Variants in VPS33A observed in about 807,000 individuals in gnomAD.
VPS33A encodes the protein vacuolar protein sorting-associated protein 33A.
In VPS33A, 32 loss-of-function variants were observed where a neutral mutation model predicts 71.8. That is an observed-to-expected ratio of 0.45 (90% CI 0.34 to 0.60). The LOEUF is 0.60. VPS33A is among the 20% of genes least tolerant of loss of function. The pLI is 0.02. For missense variants in VPS33A, 625 were observed against 748.5 expected, an observed-to-expected ratio of 0.84 and a Z score of 1.92; for synonymous variants, 311 against 292.7, an observed-to-expected ratio of 1.06 and a Z score of -0.64.
At chr12:122,246,345 G>C (rs1238480690) in intron 6 of VPS33A, among the ~76,000 whole-genome samples, 10 of 151,592 alleles carry the variant, frequency 6.6e-5, no homozygotes, top group African/African-American at 2.4e-4. Flanking sequence ...TCTCGCCCAG[G>C]CTGGAGTGCA....
intron 4 of VPS33A, among the ~76,000 whole-genome samples, chr12:122,259,536 C>T (rs544684416): frequency 6.6e-6 from 1 of 152,198 alleles, no homozygotes; most frequent in African/African-American, 2.4e-5. Flanking sequence ...CTAGGTATAT[C>T]TAAGAGAAAT....
In VPS33A at chr12:122,239,867, T is replaced by G. The variant is rs754001147; in HGVS notation, c.1164+11A>C. 1.2e-6 allele frequency: 2 copies of G among 1,603,404 alleles called. No individual in the cohort carries two copies. Among genetic ancestry groups the G allele is most frequent in the East Asian group, 2.3e-5 (1 of 44,200 alleles). ...CAATTACTTGTTAAAGAGGTTTTTTTGTCCACATACCTTATCAGTGTCTAT... is the reference window on the plus strand; with the variant it reads ...CAATTACTTGTTAAAGAGGTTTTTTGGTCCACATACCTTATCAGTGTCTAT... On this transcript the variant is annotated intron_variant, in intron 9 of 12. Transcript: ENST00000267199.
At chr12:122,263,778 C>T in intron 2 of VPS33A, 79 bp from the exon 3 acceptor site, 1 of 1,448,596 alleles carries the variant, frequency 6.9e-7, no homozygotes, top group South Asian at 1.4e-5. Flanking sequence ...ATCATAAATA[C>T]CCCCAATCAA....
At chr12:122,237,534 C>CTTT (rs59918502) in intron 10 of VPS33A, among the ~76,000 whole-genome samples, 34 of 111,754 alleles carry the variant, frequency 3.0e-4, no homozygotes, top group Admixed American at 4.7e-4. Flanking sequence ...TAAAGTTTTT[C>CTTT]TTTTTTTTTT....
chr12:122,253,919 G>A (rs1431324945), intron 4 of VPS33A, among the ~76,000 whole-genome samples: 3 of 151,940 alleles, frequency 2.0e-5, no homozygotes, highest in Admixed American at 6.6e-5. Context: ...GGCTGGTCTC[G>A]AACCCCTAAC....
chr12:122,244,985 T>G (rs1012375076), intron 6 of VPS33A, among the ~76,000 whole-genome samples: 1 of 152,212 alleles, frequency 6.6e-6, no homozygotes, highest in African/African-American at 2.4e-5. Flanking sequence ...ATAAACCACA[T>G]GCAGCAATGT....
At chr12:122,236,267 T>C (rs1483546287) in intron 10 of VPS33A, among the ~76,000 whole-genome samples, 1 of 152,142 alleles carries the variant, frequency 6.6e-6, no homozygotes, top group Non-Finnish European at 1.5e-5. Flanking sequence ...GGCATATGTA[T>C]ACATCCTGAT....
In VPS33A at chr12:122,229,625, A is replaced by C. The variant is rs1228606211; in HGVS notation, c.*2621T>G. 6.6e-6 allele frequency: 1 copy of C among 152,242 alleles called. No individual in the cohort carries two copies. The highest frequency in any genetic ancestry group is 2.4e-5 in the African/African-American group (1 of 41,456). 9.4% of individuals were successfully genotyped at this position (152,242 alleles called of 1,614,324 possible). On this transcript the variant is annotated 3_prime_UTR_variant, in exon 13 of 13. Transcript: ENST00000267199. The stretch of plus-strand genomic sequence containing the variant: ...TGTAGAACTGTCTACCCAACTAGAC[A>C]AAAGTCCAGACATGATGTAAACAAT...
intron 9 of VPS33A, among the ~76,000 whole-genome samples, chr12:122,239,237 TTTG>T (rs1252163037): frequency 6.6e-6 from 1 of 152,228 alleles, no homozygotes; most frequent in Non-Finnish European, 1.5e-5. Context: ...TAATTTAAAA[TTTG>T]TTAATAGAGC....
chr12:122,250,035 T>C lies in VPS33A; in HGVS notation c.611A>G (p.Asn204Ser). 2.5e-6 allele frequency: 4 copies of C among 1,608,112 alleles called. No homozygotes were observed. Among genetic ancestry groups the C allele is most frequent in the East Asian group, 2.2e-5 (1 of 44,732 alleles). ...GKGECARQVA[N>S]MMIRMKREFT... ...CTCTCTCTTCATCCTGATCATCATA[T>C]TGGCCACTTGCTGGAAACAAAACAT... The change falls in exon 6 of 13, where the codon AAT becomes AGT. Residue 204 changes from asparagine (N) to serine (S), a missense_variant. Asn to Ser is a conservative substitution (Grantham distance 46). Transcript: ENST00000267199.
intron 8 of VPS33A, among the ~76,000 whole-genome samples, chr12:122,240,496 A>G (rs1161394022): frequency 2.6e-5 from 4 of 152,206 alleles, no homozygotes; most frequent in African/African-American, 9.6e-5. Context: ...GGATTTCAGT[A>G]CAGACCCCAG....
rs1247525653 is a variant in VPS33A at position 122,232,146 on chromosome 12, T to C, written c.*100A>G. 3 of 1,119,670 alleles carry C rather than the reference T, an allele frequency of 2.7e-6. No homozygotes were observed. In the African/African-American group the frequency reaches 4.7e-5, roughly 18 times the overall value. The allele number at this position is 1,119,670 out of a possible 1,614,324, so 69.4% of individuals were successfully genotyped here. On this transcript the variant is annotated 3_prime_UTR_variant, in exon 13 of 13. Coordinates refer to ENST00000267199, the MANE Select transcript of VPS33A (RefSeq NM_022916.6). ...GAAGCTGACCCCAGAATATATTCTG[T>C]ATTCCCATGTTTCTTCTATGGGGTT... is the stretch of plus-strand genomic sequence containing the variant.
intron 4 of VPS33A, among the ~76,000 whole-genome samples, chr12:122,259,103 T>C (rs1954956376): frequency 6.6e-6 from 1 of 151,772 alleles, no homozygotes; most frequent in Admixed American, 6.6e-5. Flanking sequence ...GCAAAAGAGT[T>C]TGGCAGCTCC....
rs771444841 is a variant in VPS33A, at chr12:122,232,214, G to A, written c.*32C>T. ...TTTCTTCAAAGAGGTAGTTTATTCT[G>A]CAGTACACTTGTTAAGTCTCCTCTG... On this transcript the variant is annotated 3_prime_UTR_variant, in exon 13 of 13. Transcript: ENST00000267199. 1.3e-6 allele frequency: 2 copies of A among 1,578,474 alleles called. No homozygotes were observed. The highest frequency in any genetic ancestry group is 1.7e-6 in the Non-Finnish European group (2 of 1,161,766).
intron 10 of VPS33A, among the ~76,000 whole-genome samples, chr12:122,236,410 C>T (rs537926662): frequency 6.6e-6 from 1 of 152,206 alleles, no homozygotes; most frequent in African/African-American, 2.4e-5. Context: ...GAGGCCGAGG[C>T]GGGCCAATCA....
At chr12:122,260,022 A>G (rs977531326) in intron 4 of VPS33A, among the ~76,000 whole-genome samples, 1 of 152,084 alleles carries the variant, frequency 6.6e-6, no homozygotes, top group African/African-American at 2.4e-5. Flanking sequence ...CAACCTGGGC[A>G]AAAGAGTGAG....
chr12:122,243,431 G>A (rs1445564106), intron 7 of VPS33A, among the ~76,000 whole-genome samples: 1 of 152,030 alleles, frequency 6.6e-6, no homozygotes, highest in African/African-American at 2.4e-5. Context: ...TAGAGACAGT[G>A]TCTTGCTGTG....
intron 10 of VPS33A, 55 bp from the exon 11 acceptor site, chr12:122,235,978 T>A (rs900134903): frequency 1.3e-6 from 2 of 1,554,332 alleles, no homozygotes; most frequent in African/African-American, 2.8e-5. Flanking sequence ...ATTTCTGCAA[T>A]TTTCAAAGAA....
intron 3 of VPS33A, among the ~76,000 whole-genome samples, chr12:122,262,716 T>C (rs192619997): frequency 6.6e-6 from 1 of 152,058 alleles, no homozygotes; most frequent in Non-Finnish European, 1.5e-5. Context: ...GGTTTAAGCT[T>C]TTGGCTATCT....
Sources: allele counts gnomAD v4.1 joint callset (sites outside exome capture counted in the v4.1 genomes callset), GRCh38; gene constraint gnomAD v4.1.1; transcripts MANE v1.5; gene names NCBI Gene and HGNC (gene_info 2026-07-23, HGNC 2026-07-21).